Variants in DDX60 observed in about 807,000 individuals in gnomAD.
DDX60 encodes the protein probable ATP-dependent RNA helicase DDX60.
DDX60 carries 165 observed loss-of-function variants against 212.8 expected under a neutral mutation model. The ratio of observed to expected loss-of-function variants is 0.78; its 90% CI spans 0.68 to 0.88. DDX60 has a LOEUF of 0.88. Among genes scored for constraint, DDX60 ranks in the 40% least tolerant of loss-of-function variants. DDX60 has a pLI of 0.00. For missense variants in DDX60, 1,905 were observed against 2,003.9 expected (o/e 0.95, Z 0.94); for synonymous variants, 703 against 685.3 (o/e 1.03, Z -0.40).
intron 37 of DDX60, among the ~76,000 whole-genome samples, chr4:168,219,858 G>T (rs1051815014): frequency 1.3e-5 from 2 of 151,916 alleles, no homozygotes; most frequent in African/African-American, 4.8e-5. Flanking sequence ...CCAACATGGA[G>T]AAACCCCCTC....
Position 168,236,180 on chromosome 4 carries a change from G to A in DDX60, c.4533+72C>T, listed in dbSNP as rs1398161536. Reference sequence around the variant, plus strand: ...CCCTTTGAATTAAAATTCTACAGCTGCTAAGTCATTTTAGGTAAGATCTAT... The same window carrying A: ...CCCTTTGAATTAAAATTCTACAGCTACTAAGTCATTTTAGGTAAGATCTAT... On this transcript the variant is annotated intron_variant, in intron 33 of 37. Transcript: ENST00000393743. 6 of 1,434,854 alleles carry A rather than the reference G, an allele frequency of 4.2e-6. No individual in the cohort carries two copies. In the Admixed American group the frequency reaches 1.4e-4, roughly 32 times the overall value. 88.9% of individuals were successfully genotyped at this position (1,434,854 alleles called of 1,614,324 possible).
At position 168,306,619 on chromosome 4, in the gene DDX60, T is replaced by A; in HGVS notation, c.366A>T (p.Thr122=). The change falls in exon 5 of 38, where the codon ACA becomes ACT. Residue 122 remains threonine, a synonymous_variant. Coordinates refer to ENST00000393743, the MANE Select transcript of DDX60 (RefSeq NM_017631.6). Reference sequence around the variant, plus strand: ...ACTCTTTTGATAAGCATCTCGAAAATGTTGTTCGAACATCAATGGTGGTAT... The same window carrying A: ...ACTCTTTTGATAAGCATCTCGAAAAAGTTGTTCGAACATCAATGGTGGTAT... ...QKNTTIDVRT[T]FSRCLSKEWG... 6.2e-7 allele frequency: 1 copy of A among 1,614,114 alleles called. No individual in the cohort carries two copies. Among genetic ancestry groups the A allele is most frequent in the Non-Finnish European group, 8.5e-7 (1 of 1,179,970 alleles).
chr4:168,233,874 A>C (rs1325889806), intron 33 of DDX60, among the ~76,000 whole-genome samples: 1 of 152,096 alleles, frequency 6.6e-6, no homozygotes, highest in Non-Finnish European at 1.5e-5. Flanking sequence ...AAAAATACCA[A>C]AAAAATTCAT....
chr4:168,219,835 G>C (rs976526118), intron 37 of DDX60, among the ~76,000 whole-genome samples: 3 of 151,932 alleles, frequency 2.0e-5, no homozygotes, highest in Non-Finnish European at 4.4e-5. Context: ...TCAGGAGTTC[G>C]AGACCACACT....
chr4:168,277,247 C>T (rs763809841), intron 14 of DDX60, among the ~76,000 whole-genome samples: 4 of 152,096 alleles, frequency 2.6e-5, no homozygotes, highest in Admixed American at 1.3e-4. Flanking sequence ...AAGAACTCAG[C>T]GTGCCAGGGA....
chr4:168,243,768 G>T lies in DDX60; in HGVS notation c.4164+2650C>A, dbSNP rs577576721. On this transcript the variant is annotated intron_variant, in intron 30 of 37. Coordinates refer to ENST00000393743, the MANE Select transcript of DDX60 (RefSeq NM_017631.6). ...TTCCATTGCTGGGTATATGCCTAAA[G>T]AAATATAAATCATTCCATTATAAAG... Among the ~76,000 whole-genome samples the T allele has an allele frequency of 4.7e-4, 71 of 152,210 alleles. 1 individual carries two copies. In the South Asian group the frequency reaches 0.014, roughly 29 times the overall value.
chr4:168,290,792 G>A (rs907906932), intron 8 of DDX60, among the ~76,000 whole-genome samples: 1 of 152,066 alleles, frequency 6.6e-6, no homozygotes, highest in Non-Finnish European at 1.5e-5. Context: ...GAAAATGTAG[G>A]TCTATGAAGG....
intron 23 of DDX60, 51 bp downstream of exon 23, chr4:168,262,632 G>A: frequency 8.0e-7 from 1 of 1,243,864 alleles, no homozygotes; most frequent in Non-Finnish European, 1.2e-6. Context: ...GTGAGAGTTT[G>A]TCAATATTAT....
chr4:168,252,405 A>G, intron 27 of DDX60, 104 bp downstream of exon 27: 1 of 1,332,662 alleles, frequency 7.5e-7, no homozygotes, highest in Non-Finnish European at 1.0e-6. Context: ...TGTATTAATT[A>G]TGTATTATAT....
In DDX60 at chr4:168,216,974, G is replaced by A; in HGVS notation, c.5098C>T (p.Gln1700Ter). 2 of 1,605,582 alleles carry A rather than the reference G, an allele frequency of 1.2e-6. No homozygotes were observed. Among genetic ancestry groups the A allele is most frequent in the Non-Finnish European group, 1.7e-6 (2 of 1,177,316 alleles). Residue 1700 changes from glutamine (Q) to a stop codon, truncating the protein, a stop_gained, in exon 38 of 38, where the codon CAA becomes TAA. Transcript: ENST00000393743. LOFTEE classifies it high-confidence loss of function. ...TTTTCCCAAAAAGTTGTACTCAGTT[G>A]TTCAAAGGCTAAGACAACGTTGTCG... Reference protein sequence around the residue: ...EDDNVVLAFEQLSTTFWEKLN... With the variant: ...EDDNVVLAFE
Position 168,251,092 on chromosome 4 carries a change from T to TA in DDX60, c.3719dup (p.Phe1241IlefsTer7), listed in dbSNP as rs1358997350. The stretch of plus-strand genomic sequence containing the variant: ...TTCTTTCAAATTTTACTCGACCAAA[T>TA]ACCTTCTGCAAAGTCTAAAAGAAGC... On this transcript the variant is annotated frameshift_variant, in exon 28 of 38. Coordinates refer to ENST00000393743, the MANE Select transcript of DDX60 (RefSeq NM_017631.6). LOFTEE classifies it high-confidence loss of function. 1.2e-6 allele frequency: 2 copies of TA among 1,612,238 alleles called. No individual in the cohort carries two copies.
At chr4:168,239,332 A>G (rs902892968) in intron 30 of DDX60, among the ~76,000 whole-genome samples, 1 of 152,120 alleles carries the variant, frequency 6.6e-6, no homozygotes, top group Non-Finnish European at 1.5e-5. Context: ...GATACATGAT[A>G]GAAAGGTAGG....
chr4:168,308,122 A>G lies in DDX60; in HGVS notation c.148T>C (p.Cys50Arg), dbSNP rs1206422477. 6.2e-7 allele frequency: 1 copy of G among 1,606,970 alleles called. No individual in the cohort carries two copies. The highest frequency in any genetic ancestry group is 1.7e-5 in the Admixed American group (1 of 59,388). ...LIDGDSLLIT[C>R]ICEISFKPGQ... is the part of the protein sequence containing the mutation. ...GGCTTAAATGATATCTCACAGATAC[A>G]TGTGATAAGTAATGAATCCCCATCA... Residue 50 changes from cysteine (C) to arginine (R), a missense_variant, in exon 4 of 38, where the codon TGT becomes CGT. By Grantham distance (180) the Cys-to-Arg change is radical. Transcript: ENST00000393743.
intron 10 of DDX60, among the ~76,000 whole-genome samples, chr4:168,286,452 AGAT>A (rs1292406906): frequency 1.4e-5 from 2 of 138,478 alleles, no homozygotes; most frequent in Non-Finnish European, 3.2e-5. Context: ...ATAGATAGAT[AGAT>A]ATTACATATC....
At position 168,311,221 on chromosome 4, in the gene DDX60, T is replaced by C. The variant is rs976049353; in HGVS notation, c.4+35A>G. ...TATGTAGTTTACAGGGTAACATTGT[T>C]TTATAATCTATAAATATTTTAAGTG... On this transcript the variant is annotated intron_variant, in intron 2 of 37. Coordinates refer to ENST00000393743, the MANE Select transcript of DDX60 (RefSeq NM_017631.6). 3.1e-6 allele frequency: 5 copies of C among 1,606,868 alleles called. No individual in the cohort carries two copies. In the African/African-American group the frequency reaches 6.7e-5, roughly 22 times the overall value.
intron 6 of DDX60, among the ~76,000 whole-genome samples, chr4:168,297,549 A>G (rs914669003): frequency 2.0e-5 from 3 of 152,226 alleles, no homozygotes; most frequent in African/African-American, 7.2e-5. Flanking sequence ...ATGACATAAA[A>G]TAAAAACCAA....
rs542743025 is a variant in DDX60 at position 168,237,479 on chromosome 4, G to A, written c.4270-52C>T. ...TTTGACTCAAGTCACCACATAATAA[G>A]TAACTTATTAAGTACCAGTTTAAAA... On this transcript the variant is annotated intron_variant, in intron 31 of 37. Transcript: ENST00000393743. 5 of 1,483,650 alleles carry A rather than the reference G, an allele frequency of 3.4e-6. No individual in the cohort carries two copies. In the Admixed American group the frequency reaches 9.5e-5, roughly 28 times the overall value. 91.9% of individuals were successfully genotyped at this position (1,483,650 alleles called of 1,614,324 possible).
At chr4:168,322,541 A>G (rs1737627306), upstream of DDX60, among the ~76,000 whole-genome samples, 1 of 148,932 alleles carries the variant, frequency 6.7e-6, no homozygotes, top group Non-Finnish European at 1.5e-5. Flanking sequence ...AGCAGGTAAA[A>G]CTGAGCACAT....
intron 14 of DDX60, among the ~76,000 whole-genome samples, 179 bp downstream of exon 14, chr4:168,280,156 G>A (rs1051608031): frequency 6.6e-6 from 1 of 152,132 alleles, no homozygotes; most frequent in Non-Finnish European, 1.5e-5. Flanking sequence ...CAACCATTGT[G>A]GGTCTTAGAA....
Sources: gnomAD v4.1 joint callset for allele counts (sites outside exome capture counted in the v4.1 genomes callset) on GRCh38, gnomAD v4.1.1 for gene constraint, MANE v1.5 for transcripts, NCBI Gene and HGNC (gene_info 2026-07-23, HGNC 2026-07-21) for gene names.